The following UNC13C variants were observed in gnomAD, a reference collection of about 807,000 sequenced individuals.
UNC13C encodes unc-13 homolog C, also known as protein unc-13 homolog C.
UNC13C carries 174 observed loss-of-function variants against 245.4 expected under a neutral mutation model. The ratio of observed to expected loss-of-function variants is 0.71; its 90% CI spans 0.63 to 0.80. The LOEUF is 0.80. UNC13C is among the 30% of genes least tolerant of loss of function. The pLI, the probability that UNC13C is intolerant of heterozygous loss-of-function variation, is 0.00. For synonymous variants in UNC13C, 992 were observed against 895.1 expected (o/e 1.11, Z -1.93); for missense variants, 2,829 against 2,602.9 (o/e 1.09, Z -1.89).
chr15:54,000,578 TCA>T (rs1320777204), intron 1 of UNC13C, among the ~76,000 whole-genome samples: 2 of 152,162 alleles, frequency 1.3e-5, no homozygotes, highest in East Asian at 3.8e-4. Flanking sequence ...CTCTTGTTCT[TCA>T]CAGAGGTCTT....
At chr15:54,297,709 T>G (rs1017177282) in intron 11 of UNC13C, 102 bp from the exon 12 acceptor site, 1 of 820,416 alleles carries the variant, frequency 1.2e-6, no homozygotes, top group Admixed American at 2.5e-5. Context: ...TTTAGCTACT[T>G]AAGCCGTTTT....
At chr15:54,407,972 T>C (rs1466857496) in intron 18 of UNC13C, among the ~76,000 whole-genome samples, 3 of 151,568 alleles carry the variant, frequency 2.0e-5, no homozygotes, top group Non-Finnish European at 2.9e-5. Context: ...GAGGCCAAGG[T>C]GGGCAGATCA....
chr15:54,451,677 C>A (rs1017053045), intron 19 of UNC13C, among the ~76,000 whole-genome samples: 1 of 151,782 alleles, frequency 6.6e-6, no homozygotes, highest in Non-Finnish European at 1.5e-5. Flanking sequence ...TTTCTGATTT[C>A]TTTGTATTAG....
intron 4 of UNC13C, among the ~76,000 whole-genome samples, chr15:54,187,652 T>A (rs1191476415): frequency 2.0e-5 from 3 of 152,186 alleles, no homozygotes. Flanking sequence ...CTGACCTCGG[T>A]GACAACATGA....
At chr15:53,877,979 A>C in the UNC13C span, among the ~76,000 whole-genome samples, 1 of 152,120 alleles carries the variant, frequency 6.6e-6, no homozygotes, top group Non-Finnish European at 1.5e-5. Flanking sequence ...CTTTTTGTTC[A>C]ATATACATTT....
chr15:54,194,276 T>C (rs147104364), intron 4 of UNC13C, among the ~76,000 whole-genome samples: 61 of 152,254 alleles, frequency 4.0e-4, no homozygotes, highest in African/African-American at 1.3e-3. Context: ...CTTAGGCAAA[T>C]GCTGTTTTAT....
chr15:54,600,599 CT>C (rs1196413252), intron 30 of UNC13C, among the ~76,000 whole-genome samples: 1 of 152,012 alleles, frequency 6.6e-6, no homozygotes, highest in Non-Finnish European at 1.5e-5. Flanking sequence ...TTATAATTCA[CT>C]TTTTTGGTAC....
chr15:54,224,383 A>G (rs960061037), intron 4 of UNC13C, among the ~76,000 whole-genome samples: 13 of 152,142 alleles, frequency 8.5e-5, no homozygotes, highest in Non-Finnish European at 1.5e-5. Context: ...TATCAGTTGA[A>G]ATGGTCATAT....
intron 10 of UNC13C, among the ~76,000 whole-genome samples, chr15:54,270,444 A>C (rs1415787335): frequency 6.6e-6 from 1 of 152,180 alleles, no homozygotes; most frequent in Non-Finnish European, 1.5e-5. Flanking sequence ...TACATACCTC[A>C]CAGAATTGTT....
At chr15:54,416,622 CA>C (rs1384819513) in intron 19 of UNC13C, among the ~76,000 whole-genome samples, 1 of 152,154 alleles carries the variant, frequency 6.6e-6, no homozygotes, top group Non-Finnish European at 1.5e-5. Context: ...TCTCTTACAT[CA>C]GACAGGAACT....
the UNC13C span, among the ~76,000 whole-genome samples, chr15:53,865,366 G>A: frequency 6.6e-6 from 1 of 152,146 alleles, no homozygotes; most frequent in Non-Finnish European, 1.5e-5. Flanking sequence ...CAAGATCAAG[G>A]TGTCAGCAGG....
chr15:53,855,089 C>G, the UNC13C span, among the ~76,000 whole-genome samples: 1 of 151,982 alleles, frequency 6.6e-6, no homozygotes, highest in Admixed American at 6.6e-5. Context: ...TGATTTGGCT[C>G]TCTGATTGAC....
intron 11 of UNC13C, among the ~76,000 whole-genome samples, chr15:54,294,731 C>T (rs1468301884): frequency 2.0e-5 from 3 of 152,080 alleles, no homozygotes; most frequent in African/African-American, 4.8e-5. Flanking sequence ...AAGGCACGAT[C>T]TGAAGATGTC....
chr15:54,564,164 C>T (rs1001066701), intron 29 of UNC13C, among the ~76,000 whole-genome samples: 7 of 152,000 alleles, frequency 4.6e-5, no homozygotes, highest in Non-Finnish European at 8.8e-5. Context: ...TCTCTTCTGA[C>T]ATAGCTACCC....
chr15:53,846,379 A>C, the UNC13C span, among the ~76,000 whole-genome samples: 2 of 152,144 alleles, frequency 1.3e-5, no homozygotes, highest in Non-Finnish European at 2.9e-5. Context: ...ATTTTTAAAA[A>C]ATTTGTCTGC....
chr15:53,973,604 A>G (rs1893607311), upstream of UNC13C, among the ~76,000 whole-genome samples: 1 of 151,902 alleles, frequency 6.6e-6, no homozygotes, highest in South Asian at 2.1e-4. Context: ...AAATCCAAAA[A>G]GTGGAAAAAA....
intron 2 of UNC13C, among the ~76,000 whole-genome samples, chr15:54,042,045 T>C (rs970259748): frequency 3.9e-5 from 6 of 152,162 alleles, no homozygotes; most frequent in Non-Finnish European, 8.8e-5. Flanking sequence ...ATATGAAACA[T>C]TGTGAGCACC....
chr15:54,387,434 T>TTAATACATTATAATTA (rs1352345806), intron 17 of UNC13C, among the ~76,000 whole-genome samples: 24 of 152,154 alleles, frequency 1.6e-4, no homozygotes, highest in Non-Finnish European at 2.9e-4. Flanking sequence ...CTTCAGCATG[T>TTAATACATTATAATTA]TAATACATTA....
intron 19 of UNC13C, among the ~76,000 whole-genome samples, chr15:54,459,783 C>CT (rs1460260738): frequency 1.3e-5 from 2 of 151,868 alleles, no homozygotes; most frequent in African/African-American, 2.4e-5. Flanking sequence ...TATCTGGAGA[C>CT]TTTTGCATCC....
Sources: gnomAD v4.1 joint callset for allele counts (sites outside exome capture counted in the v4.1 genomes callset) on GRCh38, gnomAD v4.1.1 for gene constraint, MANE v1.5 for transcripts, NCBI Gene and HGNC (gene_info 2026-07-23, HGNC 2026-07-21) for gene names.